The following DENND2A variants were observed in gnomAD, a reference collection of about 807,000 sequenced individuals.
The protein encoded by DENND2A is DENN domain containing 2A, also known as DENN domain-containing protein 2A.
DENND2A carries 53 observed loss-of-function variants against 105.3 expected under a neutral mutation model. That is an observed-to-expected ratio of 0.50 (90% confidence interval 0.40 to 0.63). DENND2A has a LOEUF of 0.63. Ranked by LOEUF, DENND2A falls within the 30% of genes least tolerant of loss-of-function variation. DENND2A has a pLI of 0.00. For missense variants in DENND2A, 1,138 were observed against 1,279.6 expected (o/e 0.89, Z 1.69); for synonymous variants, 522 against 508.4 (o/e 1.03, Z -0.36).
rs1378446181 is a variant in DENND2A at position 140,587,772 on chromosome 7, T to C, written c.1004A>G (p.Tyr335Cys). The C allele has an allele frequency of 1.3e-6, 2 of 1,586,172 alleles. No homozygotes were observed. Among genetic ancestry groups the C allele is most frequent in the Non-Finnish European group, 8.6e-7 (1 of 1,161,074 alleles). The change falls in exon 4 of 20, where the codon TAT becomes TGT. Residue 335 changes from tyrosine (Y) to cysteine (C), a missense_variant. Tyr to Cys is a radical substitution (Grantham distance 194, BLOSUM62 -2). Transcript: ENST00000496613. ...AGACTGCAGTAAATCTTCAAACTCATAGGACTTTCTGGAATGTGCCAGATG... is the reference window on the plus strand; with the variant it reads ...AGACTGCAGTAAATCTTCAAACTCACAGGACTTTCTGGAATGTGCCAGATG... ...QKSSADHRKS[Y>C]EFEDLLQSSS... is the part of the protein sequence containing the mutation.
intron 5 of DENND2A, among the ~76,000 whole-genome samples, chr7:140,583,925 C>CG (rs1175465057): frequency 6.4e-5 from 5 of 78,298 alleles, no homozygotes; most frequent in Admixed American, 2.8e-4. Flanking sequence ...GACTCCGTCT[C>CG]GAAAAAAAAA....
At chr7:140,622,882 T>C (rs1800349165) in intron 1 of DENND2A, among the ~76,000 whole-genome samples, 1 of 151,634 alleles carries the variant, frequency 6.6e-6, no homozygotes, top group Non-Finnish European at 1.5e-5. Flanking sequence ...CCTATGATCG[T>C]TTTAAACACG....
chr7:140,606,983 G>T (rs891222139), intron 1 of DENND2A, among the ~76,000 whole-genome samples: 1 of 152,196 alleles, frequency 6.6e-6, no homozygotes, highest in Non-Finnish European at 1.5e-5. Flanking sequence ...CATCAGAGAA[G>T]GCCAACAGGA....
intron 1 of DENND2A, among the ~76,000 whole-genome samples, chr7:140,618,888 T>G (rs530168828): frequency 6.6e-6 from 1 of 152,052 alleles, no homozygotes; most frequent in African/African-American, 2.4e-5. Flanking sequence ...AAGCTCTGCC[T>G]CCCGGGTTCA....
intron 1 of DENND2A, among the ~76,000 whole-genome samples, chr7:140,623,239 C>T (rs1474144697): frequency 1.3e-5 from 2 of 148,596 alleles, no homozygotes; most frequent in African/African-American, 2.5e-5. Flanking sequence ...TGATTGAACC[C>T]GGGAGGCAGA....
chr7:140,550,918 C>T (rs1797106476), intron 12 of DENND2A, among the ~76,000 whole-genome samples: 2 of 151,500 alleles, frequency 1.3e-5, no homozygotes, highest in South Asian at 4.2e-4. Flanking sequence ...AAGAAAAAGA[C>T]AATAATATGA....
At chr7:140,555,563 G>T (rs990052777) in intron 12 of DENND2A, 73 bp downstream of exon 12, 1 of 1,306,114 alleles carries the variant, frequency 7.7e-7, no homozygotes, top group African/African-American at 1.5e-5. Flanking sequence ...CCAGGACATG[G>T]GGGTATTCCC....
intron 1 of DENND2A, among the ~76,000 whole-genome samples, chr7:140,639,019 T>C (rs1372851344): frequency 3.9e-5 from 6 of 152,190 alleles, no homozygotes; most frequent in African/African-American, 1.2e-4. Flanking sequence ...AGGGTATGAA[T>C]AGAATACATG....
At chr7:140,611,174 T>C (rs528074895) in intron 1 of DENND2A, among the ~76,000 whole-genome samples, 1 of 152,272 alleles carries the variant, frequency 6.6e-6, no homozygotes, top group South Asian at 2.1e-4. Context: ...CCCAAGTAGC[T>C]GGGATTACAG....
chr7:140,635,260 C>CTAAAAATAAATAATAA (rs1467446030), intron 1 of DENND2A, among the ~76,000 whole-genome samples: 1 of 151,890 alleles, frequency 6.6e-6, no homozygotes, highest in Non-Finnish European at 1.5e-5. Context: ...AAGACGCTGT[C>CTAAAAATAAATAATAA]TAAAAATAAA....
intron 1 of DENND2A, among the ~76,000 whole-genome samples, chr7:140,607,584 G>A (rs536740747): frequency 1.2e-4 from 18 of 152,270 alleles, no homozygotes; most frequent in African/African-American, 3.1e-4. Context: ...TGCCCATCCC[G>A]TCATGCAGGG....
chr7:140,557,063 T>A (rs996345124), intron 11 of DENND2A, among the ~76,000 whole-genome samples: 1 of 151,998 alleles, frequency 6.6e-6, no homozygotes, highest in African/African-American at 2.4e-5. Context: ...AAAAAAAAAA[T>A]TCGCTTAAAG....
chr7:140,621,197 T>TA (rs952690701), intron 1 of DENND2A, among the ~76,000 whole-genome samples: 3 of 150,722 alleles, frequency 2.0e-5, no homozygotes, highest in African/African-American at 4.9e-5. Context: ...CTCAGCTAAT[T>TA]AAAAAATTTT....
At chr7:140,558,571 C>T (rs1797480580) in intron 10 of DENND2A, among the ~76,000 whole-genome samples, 1 of 152,068 alleles carries the variant, frequency 6.6e-6, no homozygotes, top group South Asian at 2.1e-4. Context: ...TGGCACATGC[C>T]TGTAATCCCA....
intron 13 of DENND2A, chr7:140,544,984 T>C: frequency 1.9e-6 from 1 of 522,768 alleles, no homozygotes; most frequent in Non-Finnish European, 2.5e-6. Flanking sequence ...AGCAAGCGTC[T>C]CACACTCAGC....
In DENND2A at chr7:140,617,435, C is replaced by T. The variant is rs117908060; in HGVS notation, c.-247-11629G>A. Among the ~76,000 whole-genome samples the T allele has an allele frequency of 7.5e-3, 1,137 of 152,262 alleles. 4 individuals carry two copies. Among genetic ancestry groups the T allele is most frequent in the Middle Eastern group, 0.014 (4 of 294 alleles). The stretch of plus-strand genomic sequence containing the variant: ...CATTGACAATAATACTTTCTTTTAA[C>T]ATCTTGAAGGCCAGTGCAGTGGCTC... On this transcript the variant is annotated intron_variant, in intron 1 of 19. Transcript: ENST00000496613.
chr7:140,577,363 A>G (rs1798343068), intron 5 of DENND2A, among the ~76,000 whole-genome samples: 1 of 151,532 alleles, frequency 6.6e-6, no homozygotes, highest in Non-Finnish European at 1.5e-5. Flanking sequence ...GAAAGTGAGG[A>G]TATGAATCTT....
Position 140,525,798 on chromosome 7 carries a change from AG to A in DENND2A, c.2506-7del. 1 of 1,598,672 alleles carries A rather than the reference AG, an allele frequency of 6.3e-7. No individual in the cohort carries two copies. Among genetic ancestry groups the A allele is most frequent in the Non-Finnish European group, 8.5e-7 (1 of 1,172,166 alleles). On this transcript the variant is annotated splice_region_variant and splice_polypyrimidine_tract_variant and intron_variant, in intron 15 of 19. Coordinates refer to ENST00000496613, the MANE Select transcript of DENND2A (RefSeq NM_015689.5). ...ACGAGGTCAACCACAAGGACCTATG[AG>A]ATGAGACGAAAGGGACTGTTACTGT...
chr7:140,602,598 T>C, intron 2 of DENND2A, 56 bp from the exon 3 acceptor site: 2 of 457,980 alleles, frequency 4.4e-6, no homozygotes, highest in Non-Finnish European at 7.4e-6. Flanking sequence ...TGGCTGGTCA[T>C]AGAGATTTGC....
Sources: allele counts gnomAD v4.1 joint callset (sites outside exome capture counted in the v4.1 genomes callset), GRCh38; gene constraint gnomAD v4.1.1; transcripts MANE v1.5; gene names NCBI Gene and HGNC (gene_info 2026-07-23, HGNC 2026-07-21).